Variants in CHURC1 observed in about 807,000 individuals in gnomAD.
CHURC1 encodes protein Churchill.
Under a neutral mutation model 15.4 loss-of-function variants are expected in CHURC1, and 12 were observed. That is an observed-to-expected ratio of 0.78 (90% confidence interval 0.50 to 1.27). CHURC1 has a LOEUF of 1.27. Among genes scored for constraint, CHURC1 ranks in the 50% most tolerant of loss-of-function variants. CHURC1 has a pLI of 0.00. For missense variants in CHURC1, 132 were observed against 137.8 expected (o/e 0.96, Z 0.21); for synonymous variants, 42 against 47.5 (o/e 0.88, Z 0.48).
Position 64,933,465 on chromosome 14 carries a change from C to G in CHURC1, c.*1235C>G, listed in dbSNP as rs1885185621. 1.0e-6 allele frequency: 1 copy of G among 985,246 alleles called. No homozygotes were observed. The highest frequency in any genetic ancestry group is 6.1e-5 in the Admixed American group (1 of 16,274). 61.0% of individuals were successfully genotyped at this position (985,246 alleles called of 1,614,324 possible). ...AGGTTATAAACTGGCATTTAGGCCT[C>G]TCTGCCATTTAGTAGCAGTATAGTC... On this transcript the variant is annotated 3_prime_UTR_variant, in exon 4 of 4. Transcript: ENST00000549115.
chr14:64,923,855 T>C, intron 1 of CHURC1, 136 bp from the exon 2 acceptor site: 1 of 744,172 alleles, frequency 1.3e-6, no homozygotes, highest in Non-Finnish European at 1.8e-6. Flanking sequence ...TCAAAAATTA[T>C]TTGGTATATG....
At position 64,929,238 on chromosome 14, in the gene CHURC1, C is replaced by T. The variant is rs117344975; in HGVS notation, c.247-2900C>T. Among the ~76,000 whole-genome samples the T allele has an allele frequency of 2.2e-4, 33 of 152,320 alleles. 1 individual carries two copies. The East Asian group carries it at 6.2e-3, about 28-fold the overall frequency. On this transcript the variant is annotated intron_variant, in intron 3 of 3. Coordinates refer to ENST00000549115, the MANE Select transcript of CHURC1 (RefSeq NM_001386928.1). ...GATGCGCATGCTCTTTTCCATATTG[C>T]TGTCCATATTCATGCCTTTTCCTTG...
chr14:64,925,388 C>G (rs1294808705), intron 2 of CHURC1, among the ~76,000 whole-genome samples: 1 of 152,018 alleles, frequency 6.6e-6, no homozygotes, highest in East Asian at 1.9e-4. Flanking sequence ...ATAGGTCCAG[C>G]TGGGATGGGT....
intron 3 of CHURC1, among the ~76,000 whole-genome samples, chr14:64,929,970 G>T: frequency 6.6e-6 from 1 of 151,520 alleles, no homozygotes; most frequent in African/African-American, 2.4e-5. Context: ...AAAATTGTGT[G>T]TTTACTTCAA....
chr14:64,918,730 G>A (rs1291158330), intron 1 of CHURC1, among the ~76,000 whole-genome samples: 1 of 152,046 alleles, frequency 6.6e-6, no homozygotes, highest in Non-Finnish European at 1.5e-5. Flanking sequence ...CTTGGGAAGA[G>A]GCTAAGGCAG....
intron 1 of CHURC1, among the ~76,000 whole-genome samples, chr14:64,923,287 A>AT (rs899418201): frequency 6.6e-6 from 1 of 151,538 alleles, no homozygotes; most frequent in Non-Finnish European, 1.5e-5. Flanking sequence ...AAAAAAAAAA[A>AT]GGCTTCCTTT....
intron 1 of CHURC1, among the ~76,000 whole-genome samples, chr14:64,918,452 A>G (rs1026619272): frequency 2.0e-5 from 3 of 152,210 alleles, no homozygotes; most frequent in Admixed American, 6.5e-5. Flanking sequence ...CTTTGAAGTC[A>G]TGACCTATTT....
intron 3 of CHURC1, among the ~76,000 whole-genome samples, chr14:64,928,977 C>T (rs1884918029): frequency 6.6e-6 from 1 of 152,218 alleles, no homozygotes; most frequent in East Asian, 1.9e-4. Context: ...CCTTCTCTAG[C>T]CTTCGTGCCT....
At chr14:64,925,965 A>T in intron 2 of CHURC1, 45 bp from the exon 3 acceptor site, 2 of 1,404,338 alleles carry the variant, frequency 1.4e-6, no homozygotes, top group Non-Finnish European at 1.9e-6. Flanking sequence ...AGTTTTAAGA[A>T]ACTCTCTAAG....
chr14:64,926,201 G>C, intron 3 of CHURC1, 121 bp downstream of exon 3: 6 of 461,900 alleles, frequency 1.3e-5, no homozygotes, highest in South Asian at 5.3e-5. Context: ...TATATTAAAG[G>C]AGACTATGCC....
chr14:64,929,410 T>C lies in CHURC1; in HGVS notation c.247-2728T>C, dbSNP rs369337971. On this transcript the variant is annotated intron_variant, in intron 3 of 3. Transcript: ENST00000549115. Reference sequence around the variant, plus strand: ...TCTTGTACCTATGTCAGGCCCTGACTCTAGTGAATAGCCACCTGGGAACTT... The same window carrying C: ...TCTTGTACCTATGTCAGGCCCTGACCCTAGTGAATAGCCACCTGGGAACTT... Among the ~76,000 whole-genome samples the C allele has an allele frequency of 3.0e-4, 46 of 152,240 alleles. No homozygotes were observed. In the South Asian group the frequency reaches 7.5e-3, roughly 25 times the overall value.
intron 3 of CHURC1, chr14:64,930,728 AG>A (rs1885036106): frequency 7.2e-6 from 3 of 416,676 alleles, no homozygotes; most frequent in Non-Finnish European, 1.4e-5. Context: ...TGAAAACTCA[AG>A]TATTTGTTTA....
rs1312557091 is a variant in CHURC1 at position 64,932,388 on chromosome 14, C to T, written c.*158C>T. ...GAGGAAAAAAGGTAATGTAGGAGCT[C>T]ATTGTTCTCTAGAGCTGAGCTCTTC... is the stretch of plus-strand genomic sequence containing the variant. On this transcript the variant is annotated 3_prime_UTR_variant, in exon 4 of 4. Coordinates refer to ENST00000549115, the MANE Select transcript of CHURC1 (RefSeq NM_001386928.1). The T allele has an allele frequency of 6.4e-6, 9 of 1,402,704 alleles. No individual in the cohort carries two copies. Among genetic ancestry groups the T allele is most frequent in the Non-Finnish European group, 8.4e-6 (9 of 1,077,012 alleles). 86.9% of individuals were successfully genotyped at this position (1,402,704 alleles called of 1,614,324 possible).
intron 1 of CHURC1, among the ~76,000 whole-genome samples, chr14:64,916,200 G>A (rs995204174): frequency 1.8e-4 from 28 of 152,128 alleles, no homozygotes; most frequent in South Asian, 2.1e-4. Flanking sequence ...TTCAAAAAGA[G>A]GCAAACCAAA....
intron 3 of CHURC1, among the ~76,000 whole-genome samples, chr14:64,930,563 T>A (rs1013700107): frequency 1.3e-5 from 2 of 152,234 alleles, no homozygotes; most frequent in Admixed American, 1.3e-4. Context: ...TCAGTCTCAC[T>A]GATTTAATAG....
At chr14:64,926,211 C>CTTT (rs3033502) in intron 3 of CHURC1, 131 bp downstream of exon 3, 3,128 of 187,730 alleles carry the variant, frequency 0.017, 236 homozygotes, top group African/African-American at 0.074. Context: ...GAGACTATGC[C>CTTT]TTTTTTTTTT....
chr14:64,927,990 C>T (rs1188432751), intron 3 of CHURC1, among the ~76,000 whole-genome samples: 2 of 151,996 alleles, frequency 1.3e-5, no homozygotes, highest in Non-Finnish European at 2.9e-5. Context: ...TATCCAAGCT[C>T]CTCATTTCAA....
chr14:64,924,040 G>A lies in CHURC1; in HGVS notation c.89G>A (p.Cys30Tyr), dbSNP rs150184552. 10 of 1,605,936 alleles carry A rather than the reference G, an allele frequency of 6.2e-6. No homozygotes were observed. The highest frequency in any genetic ancestry group is 5.4e-5 in the African/African-American group (4 of 74,740). The change falls in exon 2 of 4, where the codon TGT (cysteine) becomes TAT (tyrosine). Residue 30 changes from cysteine (C) to tyrosine (Y), a missense_variant. By Grantham distance (194) the Cys-to-Tyr change is radical (BLOSUM62 -2). Transcript: ENST00000549115. ...NGSFLLNFTGCAVCSKRDFML... is the reference protein window; with the variant it reads ...NGSFLLNFTGYAVCSKRDFML... ...TCTTTCTTACTGAACTTTACAGGCT[G>A]TGCAGTGTGCAGTAAGCGGGATTTT...
chr14:64,922,832 A>G (rs900261856), intron 1 of CHURC1, among the ~76,000 whole-genome samples: 1 of 152,080 alleles, frequency 6.6e-6, no homozygotes, highest in African/African-American at 2.4e-5. Flanking sequence ...TCCTCAATAC[A>G]TAGAAGGGAG....
Sources: gnomAD v4.1 joint callset for allele counts (sites outside exome capture counted in the v4.1 genomes callset) on GRCh38, gnomAD v4.1.1 for gene constraint, MANE v1.5 for transcripts, NCBI Gene and HGNC (gene_info 2026-07-23, HGNC 2026-07-21) for gene names.